Variants in ACTR3C observed in about 807,000 individuals in gnomAD.
ACTR3C encodes the protein actin-related protein 3C.
A neutral mutation model predicts 26.3 loss-of-function variants in ACTR3C; 18 were observed. The observed-to-expected ratio is 0.68, with a 90% confidence interval of 0.47 to 1.01. The LOEUF is 1.01. ACTR3C is among the 50% of genes least tolerant of loss of function. The pLI, the probability that ACTR3C is intolerant of heterozygous loss-of-function variation, is 0.00. For synonymous variants in ACTR3C, 55 were observed against 94.5 expected (o/e 0.58, Z 2.42); for missense variants, 184 against 250.7 (o/e 0.73, Z 1.80).
At chr7:149,940,663 T>C in the ACTR3C span, among the ~76,000 whole-genome samples, 1 of 149,610 alleles carries the variant, frequency 6.7e-6, no homozygotes, top group Non-Finnish European at 1.5e-5. Context: ...CACAGCATCC[T>C]GCCAAAGAAA....
At chr7:150,293,586 T>C (rs1035736222) in intron 2 of ACTR3C, among the ~76,000 whole-genome samples, 167 bp from the exon 3 acceptor site, 2 of 152,042 alleles carry the variant, frequency 1.3e-5, no homozygotes, top group African/African-American at 4.8e-5. Context: ...CAATTCAAAC[T>C]TGGACAACTA....
chr7:150,308,071 G>A (rs1315281209), intron 1 of ACTR3C, among the ~76,000 whole-genome samples: 3 of 152,076 alleles, frequency 2.0e-5, no homozygotes, highest in South Asian at 2.1e-4. Context: ...CTGCGGGGAC[G>A]CCTGCCTGAT....
At chr7:149,972,124 C>T in the ACTR3C span, among the ~76,000 whole-genome samples, 9 of 152,322 alleles carry the variant, frequency 5.9e-5, no homozygotes, top group Admixed American at 1.3e-4. Flanking sequence ...GGGCATCTCA[C>T]GGATCTCCCA....
the ACTR3C span, among the ~76,000 whole-genome samples, chr7:150,036,722 C>T: frequency 3.8e-3 from 509 of 135,276 alleles, 59 homozygotes; most frequent in South Asian, 0.04. Context: ...GCTGGAGCTG[C>T]GTTCGGACCC....
chr7:149,945,187 C>T, the ACTR3C span, among the ~76,000 whole-genome samples: 1 of 151,994 alleles, frequency 6.6e-6, no homozygotes, highest in Admixed American at 6.6e-5. Context: ...ACAGGAGGCA[C>T]TGATGTGGTC....
the ACTR3C span, among the ~76,000 whole-genome samples, chr7:149,883,437 C>T: frequency 1.3e-5 from 2 of 152,116 alleles, no homozygotes; most frequent in South Asian, 2.1e-4. Context: ...AAAAATGGGC[C>T]GTGACTGAGA....
the ACTR3C span, among the ~76,000 whole-genome samples, chr7:150,014,291 TA>T: frequency 6.6e-6 from 1 of 151,650 alleles, no homozygotes; most frequent in African/African-American, 2.4e-5. Context: ...CCGTCTCTAC[TA>T]AAAAATACAA....
At chr7:150,294,293 G>A (rs1033999792) in intron 2 of ACTR3C, among the ~76,000 whole-genome samples, 5 of 152,228 alleles carry the variant, frequency 3.3e-5, no homozygotes, top group South Asian at 2.1e-4. Context: ...TACGCTCCCC[G>A]CAATGCACAC....
the ACTR3C span, among the ~76,000 whole-genome samples, chr7:150,157,681 AC>A: frequency 2.0e-5 from 3 of 152,240 alleles, no homozygotes; most frequent in Non-Finnish European, 4.4e-5. Flanking sequence ...TCCAACTCAA[AC>A]ATTCTAGGTA....
At chr7:150,036,711 A>T in the ACTR3C span, among the ~76,000 whole-genome samples, 2 of 131,864 alleles carry the variant, frequency 1.5e-5, 1 homozygote, top group Non-Finnish European at 3.4e-5. Flanking sequence ...TCTGTTCCCG[A>T]GCTGGAGCTG....
At chr7:150,289,737 G>A (rs1563185143) in intron 3 of ACTR3C, 144 bp from the exon 4 acceptor site, 13 of 1,438,380 alleles carry the variant, frequency 9.0e-6, no homozygotes, top group East Asian at 7.2e-5. Context: ...CCCTCTGCAA[G>A]CTCAGTACAG....
downstream of ACTR3C, among the ~76,000 whole-genome samples, chr7:150,241,988 C>T (rs1482703328): frequency 5.3e-5 from 8 of 152,090 alleles, no homozygotes; most frequent in South Asian, 2.1e-4. Context: ...GAGGCCGAAG[C>T]GGGCGGATCA....
At chr7:149,892,335 A>G in the ACTR3C span, 7,525 of 1,604,096 alleles carry the variant, frequency 4.7e-3, 173 homozygotes, top group South Asian at 0.052. Context: ...AAGGTCATCA[A>G]CTCCCCTCAA....
chr7:149,937,746 G>A, the ACTR3C span, among the ~76,000 whole-genome samples: 16 of 152,172 alleles, frequency 1.1e-4, no homozygotes, highest in African/African-American at 3.9e-4. Flanking sequence ...GGAGGGTCCG[G>A]GTGCGGGGAA....
chr7:150,289,698 G>C, intron 3 of ACTR3C, 105 bp from the exon 4 acceptor site: 3 of 1,547,784 alleles, frequency 1.9e-6, no homozygotes, highest in Non-Finnish European at 1.8e-6. Context: ...TGCCCCTCAC[G>C]GCACTGACAA....
the ACTR3C span, among the ~76,000 whole-genome samples, chr7:150,012,315 A>ATTTTTTTTTT: frequency 2.2e-5 from 2 of 91,994 alleles, no homozygotes; most frequent in African/African-American, 8.4e-5. Flanking sequence ...TTATAAATGC[A>ATTTTTTTTTT]TCTTTTTTTT....
the ACTR3C span, among the ~76,000 whole-genome samples, chr7:150,142,261 A>G: frequency 1.3e-5 from 2 of 152,270 alleles, no homozygotes; most frequent in Admixed American, 6.5e-5. Flanking sequence ...GGCATGGTCA[A>G]GTGACTGAGC....
chr7:150,099,302 TC>T, the ACTR3C span, among the ~76,000 whole-genome samples: 1 of 151,874 alleles, frequency 6.6e-6, no homozygotes, highest in East Asian at 1.9e-4. Flanking sequence ...TCCTATCCTC[TC>T]CACAGGATGG....
intron 6 of ACTR3C, among the ~76,000 whole-genome samples, chr7:150,284,074 T>G (rs1835564814): frequency 1.3e-5 from 2 of 152,078 alleles, no homozygotes; most frequent in Non-Finnish European, 2.9e-5. Context: ...AACCTCTATG[T>G]GATGACACCA....
Sources: gnomAD v4.1 joint callset for allele counts (sites outside exome capture counted in the v4.1 genomes callset) on GRCh38, gnomAD v4.1.1 for gene constraint, MANE v1.5 for transcripts, NCBI Gene and HGNC (gene_info 2026-07-23, HGNC 2026-07-21) for gene names.